RORA: variants seen among roughly 807,000 people sequenced by gnomAD.
The protein encoded by RORA is nuclear receptor ROR-alpha.
In RORA, 7 loss-of-function variants were observed where a neutral mutation model predicts 69.5. The ratio of observed to expected loss-of-function variants is 0.10; its 90% CI spans 0.06 to 0.19. The LOEUF is 0.19. Among genes scored for constraint, RORA ranks in the 10% least tolerant of loss-of-function variants. The pLI is 1.00. For synonymous variants in RORA, 261 were observed against 240.8 expected (o/e 1.08, Z -0.78); for missense variants, 457 against 663.0 (o/e 0.69, Z 3.41).
At chr15:60,866,067 C>T (rs189219171) in intron 1 of RORA, among the ~76,000 whole-genome samples, 1,778 of 152,276 alleles carry the variant, frequency 0.012, 23 homozygotes, top group Non-Finnish European at 0.019. Context: ...CATTTCTCCT[C>T]TTTTAGTTAT....
chr15:60,928,203 C>G (rs183614376), intron 1 of RORA, among the ~76,000 whole-genome samples: 1 of 152,352 alleles, frequency 6.6e-6, no homozygotes. Context: ...CCCTGCATCT[C>G]ACATGAGCCT....
At chr15:61,178,375 TC>T (rs2079650592) in intron 1 of RORA, among the ~76,000 whole-genome samples, 1 of 152,206 alleles carries the variant, frequency 6.6e-6, no homozygotes, top group African/African-American at 2.4e-5. Flanking sequence ...AACTCTTTCA[TC>T]CTTTTTCCCC....
chr15:60,622,526 C>CACCT (rs1264667664), intron 2 of RORA, among the ~76,000 whole-genome samples: 1 of 151,812 alleles, frequency 6.6e-6, no homozygotes, highest in South Asian at 2.1e-4. Context: ...ATAGGAGAAC[C>CACCT]ACCTGAGCCT....
chr15:61,099,044 C>G (rs1332615063), intron 1 of RORA, among the ~76,000 whole-genome samples: 6 of 152,196 alleles, frequency 3.9e-5, no homozygotes, highest in Admixed American at 2.0e-4. Context: ...TCAGACAGAC[C>G]AAGAAATGGG....
intron 1 of RORA, among the ~76,000 whole-genome samples, chr15:61,004,560 A>G (rs1458990442): frequency 6.6e-6 from 1 of 152,076 alleles, no homozygotes; most frequent in Admixed American, 6.5e-5. Flanking sequence ...AAAGAGAAGA[A>G]ATCCACAGAG....
intron 1 of RORA, among the ~76,000 whole-genome samples, chr15:61,056,687 C>A (rs577910106): frequency 5.1e-4 from 77 of 152,162 alleles, no homozygotes; most frequent in Non-Finnish European, 1.0e-3. Context: ...AAAATATGGG[C>A]AATCTCTATT....
chr15:60,610,489 C>T (rs923439970), intron 2 of RORA, among the ~76,000 whole-genome samples: 51 of 152,020 alleles, frequency 3.4e-4, no homozygotes, highest in African/African-American at 1.2e-3. Context: ...CAGCAGGAAG[C>T]GGGCTGTGGC....
chr15:60,979,282 TTTTTTTTTTC>T lies in RORA; in HGVS notation c.166+249761_166+249770del, dbSNP rs1329131767. 7.1e-3 allele frequency among the ~76,000 whole-genome samples: 1,027 copies of T among 145,568 alleles called. 13 individuals are homozygous for T. The highest frequency in any genetic ancestry group is 0.027 in the African/African-American group (992 of 36,860). On this transcript the variant is annotated intron_variant, in intron 1 of 10. Transcript: ENST00000335670. ...CCTAGCCCTTGCTTTTTTTTTTTTT[TTTTTTTTTTC>T]CAAGAATATTTTGGCTATCCAATGT...
At chr15:61,191,139 C>T (rs2079795944) in intron 1 of RORA, among the ~76,000 whole-genome samples, 1 of 152,026 alleles carries the variant, frequency 6.6e-6, no homozygotes, top group Admixed American at 6.6e-5. Context: ...AGGCTGGCTC[C>T]ACCGTTACGG....
chr15:60,794,592 C>T (rs1421632481), intron 1 of RORA, among the ~76,000 whole-genome samples: 1 of 152,226 alleles, frequency 6.6e-6, no homozygotes, highest in Non-Finnish European at 1.5e-5. Context: ...TCCAAACCTC[C>T]ACTGACGTCA....
At chr15:60,702,899 A>G (rs185517391) in intron 1 of RORA, among the ~76,000 whole-genome samples, 15 of 152,182 alleles carry the variant, frequency 9.9e-5, no homozygotes, top group Admixed American at 9.2e-4. Flanking sequence ...TTCATTCAAA[A>G]TATCTGTGGC....
chr15:60,934,841 C>A (rs4774378), intron 1 of RORA, among the ~76,000 whole-genome samples: 2 of 151,974 alleles, frequency 1.3e-5, no homozygotes, highest in Admixed American at 1.3e-4. Flanking sequence ...CCTCTACTTT[C>A]CCACAGAAAG....
chr15:61,125,463 G>C (rs4775360), intron 1 of RORA, among the ~76,000 whole-genome samples: 81,683 of 152,074 alleles, frequency 0.54, 22,908 homozygotes, highest in East Asian at 0.69. Context: ...TGTGAAACAA[G>C]TGGGCACAAA....
intron 1 of RORA, among the ~76,000 whole-genome samples, chr15:60,734,712 T>A (rs1441507038): frequency 6.6e-6 from 1 of 152,210 alleles, no homozygotes; most frequent in Non-Finnish European, 1.5e-5. Context: ...CACACCTTGA[T>A]AACATGCTGC....
At chr15:60,739,433 G>A (rs914399452) in intron 1 of RORA, among the ~76,000 whole-genome samples, 1 of 152,054 alleles carries the variant, frequency 6.6e-6, no homozygotes, top group Admixed American at 6.5e-5. Context: ...TTAGCCAGGC[G>A]TGGTGGTGTA....
intron 1 of RORA, among the ~76,000 whole-genome samples, chr15:60,988,616 T>G (rs1894281608): frequency 6.6e-6 from 1 of 152,218 alleles, no homozygotes. Context: ...TACGACTCGC[T>G]GCTTCCTTGG....
intron 1 of RORA, among the ~76,000 whole-genome samples, chr15:60,946,942 C>T (rs953938322): frequency 7.3e-5 from 11 of 151,174 alleles, no homozygotes; most frequent in African/African-American, 1.7e-4. Flanking sequence ...AGGTGAGGAG[C>T]GTCTCTGCCC....
intron 1 of RORA, among the ~76,000 whole-genome samples, chr15:60,693,336 C>T (rs2070856327): frequency 6.6e-6 from 1 of 152,170 alleles, no homozygotes; most frequent in East Asian, 1.9e-4. Flanking sequence ...AACCCACAGA[C>T]AATATCATGC....
At position 61,011,336 on chromosome 15, in the gene RORA, T is replaced by G. The variant is rs887926639; in HGVS notation, c.166+217717A>C. 2.6e-5 allele frequency among the ~76,000 whole-genome samples: 4 copies of G among 152,224 alleles called. No homozygotes were observed. The East Asian group carries it at 7.7e-4, about 29-fold the overall frequency. On this transcript the variant is annotated intron_variant, in intron 1 of 10. Transcript: ENST00000335670. ...AAAGTTCCTGAATTCTAAGACAATT[T>G]TCTTAGAAGGATAGAAATGTGGGAA...
Sources: gnomAD v4.1 joint callset for allele counts (sites outside exome capture counted in the v4.1 genomes callset) on GRCh38, gnomAD v4.1.1 for gene constraint, MANE v1.5 for transcripts, NCBI Gene and HGNC (gene_info 2026-07-23, HGNC 2026-07-21) for gene names.